PACS1: variants seen among roughly 807,000 people sequenced by gnomAD.
PACS1 encodes phosphofurin acidic cluster sorting protein 1.
A neutral mutation model predicts 115.0 loss-of-function variants in PACS1; 24 were observed. The observed-to-expected ratio is 0.21, with a 90% CI of 0.15 to 0.29. PACS1 has a LOEUF of 0.29. Ranked by LOEUF, PACS1 falls within the 10% of genes least tolerant of loss-of-function variation. PACS1 has a pLI of 1.00. For missense variants in PACS1, 838 were observed against 1,251.2 expected (o/e 0.67, Z 4.98); for synonymous variants, 453 against 504.5 (o/e 0.90, Z 1.37).
chr11:66,127,860 A>G (rs1241953356), intron 1 of PACS1, among the ~76,000 whole-genome samples: 1 of 152,246 alleles, frequency 6.6e-6, no homozygotes, highest in Non-Finnish European at 1.5e-5. Flanking sequence ...CATTGTATGT[A>G]TGTCCTGGTA....
chr11:66,093,265 G>C (rs1256144919), intron 1 of PACS1, among the ~76,000 whole-genome samples: 1 of 152,008 alleles, frequency 6.6e-6, no homozygotes, highest in Admixed American at 6.6e-5. Flanking sequence ...GGTATAAAGA[G>C]TCAAGACCCA....
intron 1 of PACS1, among the ~76,000 whole-genome samples, chr11:66,176,260 T>C (rs1859858243): frequency 6.6e-6 from 1 of 152,172 alleles, no homozygotes; most frequent in African/African-American, 2.4e-5. Flanking sequence ...TAGTCTGCAA[T>C]GTCTGTTGTT....
chr11:66,138,832 G>A (rs1045483846), intron 1 of PACS1, among the ~76,000 whole-genome samples: 3 of 151,842 alleles, frequency 2.0e-5, no homozygotes, highest in African/African-American at 7.3e-5. Flanking sequence ...ACAGACATGC[G>A]CCACCACGCC....
chr11:66,114,286 C>T (rs1396972226), intron 1 of PACS1, among the ~76,000 whole-genome samples: 1 of 151,874 alleles, frequency 6.6e-6, no homozygotes, highest in East Asian at 1.9e-4. Context: ...GGAGTAGTGG[C>T]GGACGCCTAT....
At chr11:66,214,882 A>G (rs1855163333) in intron 4 of PACS1, among the ~76,000 whole-genome samples, 1 of 151,668 alleles carries the variant, frequency 6.6e-6, no homozygotes, top group African/African-American at 2.4e-5. Context: ...TCAGCCTCCC[A>G]AAGTGCTGGG....
intron 12 of PACS1, 41 bp downstream of exon 12, chr11:66,230,704 C>T (rs1211273359): frequency 1.9e-6 from 3 of 1,611,080 alleles, no homozygotes; most frequent in Non-Finnish European, 2.5e-6. Flanking sequence ...CAGCCTGCAG[C>T]TGTGCTTAGC....
intron 7 of PACS1, chr11:66,219,528 A>C: frequency 2.8e-5 from 18 of 652,212 alleles, no homozygotes; most frequent in East Asian, 9.2e-5. Flanking sequence ...GGGGATAGAC[A>C]TTCCTTCTCC....
intron 1 of PACS1, among the ~76,000 whole-genome samples, chr11:66,097,515 G>C (rs1228144006): frequency 6.6e-6 from 1 of 152,206 alleles, no homozygotes; most frequent in African/African-American, 2.4e-5. Flanking sequence ...ATCCCACTCA[G>C]TTCTCAGATG....
In PACS1 at chr11:66,236,499, C is replaced by G. The variant is rs532841162; in HGVS notation, c.2250+559C>G. On this transcript the variant is annotated intron_variant, in intron 19 of 23. Transcript: ENST00000320580. The surrounding 1 kb of genome is among the most constrained non-coding windows in gnomAD (Gnocchi z 4.2). ...GAGGAAGGCTTTCTTCTTTCCTTTTCTATTTAACCAAGGAGAAATCTCTAT... is the reference window on the plus strand; with the variant it reads ...GAGGAAGGCTTTCTTCTTTCCTTTTGTATTTAACCAAGGAGAAATCTCTAT... Among the ~76,000 whole-genome samples, 41 of 152,334 alleles carry G rather than the reference C, an allele frequency of 2.7e-4. No homozygotes were observed. Among genetic ancestry groups the G allele is most frequent in the African/African-American group, 9.6e-4 (40 of 41,576 alleles).
intron 1 of PACS1, among the ~76,000 whole-genome samples, chr11:66,145,260 T>A (rs1232403667): frequency 6.6e-6 from 1 of 152,212 alleles, no homozygotes; most frequent in Non-Finnish European, 1.5e-5. Flanking sequence ...GGTAGGGGGT[T>A]ACTCCCATCC....
chr11:66,125,176 G>A (rs1320933251), intron 1 of PACS1, among the ~76,000 whole-genome samples: 1 of 152,122 alleles, frequency 6.6e-6, no homozygotes, highest in Non-Finnish European at 1.5e-5. Flanking sequence ...TGATACAATG[G>A]ACTTTGGGGA....
At chr11:66,090,934 A>G (rs527976509) in intron 1 of PACS1, among the ~76,000 whole-genome samples, 2 of 152,308 alleles carry the variant, frequency 1.3e-5, no homozygotes, top group South Asian at 4.1e-4. Flanking sequence ...TGAAGAAGGG[A>G]TACAGTTTTT....
intron 1 of PACS1, among the ~76,000 whole-genome samples, chr11:66,130,835 T>G (rs1186881651): frequency 6.6e-6 from 1 of 152,138 alleles, no homozygotes; most frequent in Non-Finnish European, 1.5e-5. Context: ...TTGGGGAGGC[T>G]GAGGCAGAAG....
intron 21 of PACS1, 83 bp downstream of exon 21, chr11:66,239,360 G>C (rs771015854): frequency 1.5e-5 from 23 of 1,501,276 alleles, no homozygotes; most frequent in Non-Finnish European, 1.8e-5. Flanking sequence ...CATGGGCTTA[G>C]AAGGTAGCCA....
chr11:66,238,618 A>G (rs1855749586), intron 19 of PACS1, 186 bp from the exon 20 acceptor site: 2 of 596,848 alleles, frequency 3.4e-6, no homozygotes, highest in African/African-American at 3.7e-5. Context: ...CTCCTATCTC[A>G]GCCTCCCAAA....
intron 1 of PACS1, among the ~76,000 whole-genome samples, chr11:66,180,869 G>A (rs1010879564): frequency 2.0e-5 from 3 of 151,998 alleles, no homozygotes; most frequent in African/African-American, 7.3e-5. Context: ...ATGTTGCCCA[G>A]GCTGGTCTCA....
At chr11:66,105,135 A>C (rs1858005610) in intron 1 of PACS1, among the ~76,000 whole-genome samples, 1 of 152,118 alleles carries the variant, frequency 6.6e-6, no homozygotes, top group Non-Finnish European at 1.5e-5. Context: ...TAAAACTAGT[A>C]ATTATGGGCT....
chr11:66,211,687 G>A (rs918898752), intron 4 of PACS1, among the ~76,000 whole-genome samples: 6 of 152,100 alleles, frequency 3.9e-5, no homozygotes, highest in Admixed American at 6.6e-5. Flanking sequence ...ACTGCACCAC[G>A]TTAATTTCCT....
chr11:66,133,586 G>GA (rs960232187), intron 1 of PACS1, among the ~76,000 whole-genome samples: 1 of 152,204 alleles, frequency 6.6e-6, no homozygotes, highest in Non-Finnish European at 1.5e-5. Context: ...CGCTATCATA[G>GA]CTCACTGCAG....
Sources: gnomAD v4.1 joint callset for allele counts (sites outside exome capture counted in the v4.1 genomes callset) on GRCh38, gnomAD v4.1.1 for gene constraint, Gnocchi (gnomAD v3.1) non-coding constraint, MANE v1.5 for transcripts, NCBI Gene and HGNC (gene_info 2026-07-23, HGNC 2026-07-21) for gene names.